Variants in TTC31 observed in about 807,000 individuals in gnomAD.
TTC31 encodes the protein tetratricopeptide repeat protein 31.
A neutral mutation model predicts 60.4 loss-of-function variants in TTC31; 59 were observed. The observed-to-expected ratio is 0.98, with a 90% CI of 0.79 to 1.21. The LOEUF (loss-of-function observed/expected upper bound fraction) is 1.21, where lower values mean the gene tolerates loss of function less well. TTC31 is among the 50% of genes most tolerant of loss of function. The pLI, the probability that TTC31 is intolerant of heterozygous loss-of-function variation, is 0.00. For missense variants in TTC31, 672 were observed against 646.9 expected (o/e 1.04, Z -0.42); for synonymous variants, 225 against 249.6 (o/e 0.90, Z 0.93).
rs753421338 is a variant in TTC31 at position 74,492,068 on chromosome 2, C to A, written c.928+13C>A. 1 of 1,614,070 alleles carries A rather than the reference C, an allele frequency of 6.2e-7. No individual in the cohort carries two copies. The highest frequency in any genetic ancestry group is 1.3e-5 in the African/African-American group (1 of 74,938). ...CAGGAACTGGCAAGTGAGATCCTTTCTCTCTCCGTCCTCACCCCACCCTCC... is the reference window on the plus strand; with the variant it reads ...CAGGAACTGGCAAGTGAGATCCTTTATCTCTCCGTCCTCACCCCACCCTCC... On this transcript the variant is annotated intron_variant, in intron 9 of 12. Coordinates refer to ENST00000233623, the MANE Select transcript of TTC31 (RefSeq NM_022492.6).
chr2:74,490,571 C>T (rs1323404676), intron 4 of TTC31, 85 bp from the exon 5 acceptor site: 2 of 1,540,130 alleles, frequency 1.3e-6, no homozygotes, highest in African/African-American at 2.7e-5. Context: ...CTTTCAAGAT[C>T]CTTCTATACT....
chr2:74,483,359 T>A lies in TTC31; in HGVS notation c.78T>A (p.Ala26=), dbSNP rs754437644. ...GGCCCAGCTGCCCACTGGAGGTCGC[T>A]GCTGCACCCAAACTTTGCAAGGAAT... ...SLRPSCPLEV[A]AAPKLCKEFG... The change falls in exon 2 of 13, where the codon GCT becomes GCA. Residue 26 remains alanine (A), a synonymous_variant. Transcript: ENST00000233623. 1.2e-6 allele frequency: 2 copies of A among 1,614,204 alleles called. No homozygotes were observed. The highest frequency in any genetic ancestry group is 8.5e-7 in the Non-Finnish European group (1 of 1,180,032).
In TTC31 at chr2:74,492,667, G is replaced by A. The variant is rs777104781; in HGVS notation, c.1183G>A (p.Val395Met). ...AAAGCGCTTCAGAGAGGCAGCTGCT[G>A]TGTTTCAGGAAACTCTGAGAGGTGG... The part of the protein sequence containing the change: ...GLQRFREAAA[V>M]FQETLRGGSQ... Residue 395 changes from valine (V) to methionine (M), a missense_variant, in exon 12 of 13, where the codon GTG becomes ATG. Transcript: ENST00000233623. 1.9e-6 allele frequency: 3 copies of A among 1,614,194 alleles called. No individual in the cohort carries two copies. Among genetic ancestry groups the A allele is most frequent in the Non-Finnish European group, 2.5e-6 (3 of 1,180,020 alleles).
At chr2:74,488,625 G>A (rs1359223126) in intron 2 of TTC31, among the ~76,000 whole-genome samples, 1 of 152,194 alleles carries the variant, frequency 6.6e-6, no homozygotes, top group African/African-American at 2.4e-5. Context: ...GGCAGGTAGT[G>A]TCAGAGTGAA....
intron 2 of TTC31, among the ~76,000 whole-genome samples, chr2:74,488,365 G>C (rs2104184712): frequency 6.6e-6 from 1 of 152,254 alleles, no homozygotes; most frequent in South Asian, 2.1e-4. Flanking sequence ...GAGTTTCTAA[G>C]TTTGTGGCTT....
chr2:74,491,452 C>T lies in TTC31; in HGVS notation c.685-29C>T, dbSNP rs760807882. The T allele has an allele frequency of 4.3e-6, 7 of 1,611,882 alleles. No individual in the cohort carries two copies. The Admixed American group carries it at 8.4e-5, about 19-fold the overall frequency. On this transcript the variant is annotated intron_variant, in intron 7 of 12. Coordinates refer to ENST00000233623, the MANE Select transcript of TTC31 (RefSeq NM_022492.6). ...CTCCAGAATGTACTTCATCCCCACC[C>T]CCTCCCTAACTTTCCATTTTGTTCA...
intron 2 of TTC31, chr2:74,483,788 G>A: frequency 3.2e-6 from 1 of 316,014 alleles, no homozygotes; most frequent in Non-Finnish European, 5.8e-6. Context: ...ACCAGCCTGG[G>A]CAACATAGTG....
chr2:74,490,769 G>C, intron 5 of TTC31, 30 bp downstream of exon 5: 1 of 1,594,726 alleles, frequency 6.3e-7, no homozygotes, highest in Non-Finnish European at 8.6e-7. Flanking sequence ...AGGGTGCAGG[G>C]GAGCCAAAGG....
At chr2:74,485,093 C>T (rs1043133457) in intron 2 of TTC31, among the ~76,000 whole-genome samples, 4 of 147,162 alleles carry the variant, frequency 2.7e-5, no homozygotes, top group Non-Finnish European at 5.9e-5. Context: ...GTGGCGCCAT[C>T]TCTACTCACT....
chr2:74,491,715 G>GAACCTTATTCAGCT, intron 8 of TTC31, 43 bp downstream of exon 8: 1 of 1,600,870 alleles, frequency 6.2e-7, no homozygotes, highest in Admixed American at 1.7e-5. Context: ...ACCGTGGAAG[G>GAACCTTATTCAGCT]GGCACAAGGA....
At chr2:74,490,533 C>G in intron 4 of TTC31, 60 bp downstream of exon 4, 1 of 1,534,462 alleles carries the variant, frequency 6.5e-7, no homozygotes, top group Non-Finnish European at 8.8e-7. Flanking sequence ...CCTGTATCCC[C>G]ATCCCTATAT....
intron 12 of TTC31, 33 bp downstream of exon 12, chr2:74,492,780 C>A (rs763195698): frequency 1.2e-6 from 2 of 1,608,396 alleles, no homozygotes; most frequent in Non-Finnish European, 1.7e-6. Context: ...CATGCTGAGG[C>A]GGGTATCAGG....
chr2:74,492,263 G>A (rs1451474344), intron 10 of TTC31, 34 bp downstream of exon 10: 1 of 1,613,088 alleles, frequency 6.2e-7, no homozygotes, highest in African/African-American at 1.3e-5. Flanking sequence ...AGGGCAGAGT[G>A]TTGAGGACTC....
Position 74,483,404 on chromosome 2 carries a change from C to T in TTC31, c.123C>T (p.Gly41=), listed in dbSNP as rs771974104. 4 of 1,614,160 alleles carry T rather than the reference C, an allele frequency of 2.5e-6. No homozygotes were observed. The highest frequency in any genetic ancestry group is 1.6e-4 in the Middle Eastern group (1 of 6,062). ...AGGAATTCGGTCCAGAGGATTACGG[C>T]GAAGAGGTAAAAGCGACCCTCAGTT... is the stretch of plus-strand genomic sequence containing the variant. ...LCKEFGPEDY[G]EEDIVDFLRR... is the part of the protein sequence containing the mutation. Residue 41 remains glycine (G), a synonymous_variant, in exon 2 of 13, where the codon GGC becomes GGT. Transcript: ENST00000233623.
chr2:74,483,614 C>T (rs1189878966), intron 2 of TTC31: 2 of 1,433,638 alleles, frequency 1.4e-6, no homozygotes, highest in Non-Finnish European at 1.8e-6. Flanking sequence ...AACAGATGCT[C>T]GAAGTGGGTA....
At chr2:74,487,670 T>TATTA (rs920336983) in intron 2 of TTC31, among the ~76,000 whole-genome samples, 1 of 151,940 alleles carries the variant, frequency 6.6e-6, no homozygotes, top group Non-Finnish European at 1.5e-5. Flanking sequence ...ATTTATTTAT[T>TATTA]ATTAATTAAT....
At chr2:74,483,435 C>T (rs374507059) in intron 2 of TTC31, 25 bp downstream of exon 2, 2 of 1,614,158 alleles carry the variant, frequency 1.2e-6, no homozygotes, top group East Asian at 2.2e-5. Context: ...CAGTTTCCCC[C>T]AGTCCTGCTC....
At chr2:74,492,104 C>A in intron 9 of TTC31, 35 bp from the exon 10 acceptor site, 1 of 1,614,106 alleles carries the variant, frequency 6.2e-7, no homozygotes. Context: ...CTGGGGTAGC[C>A]CCATCTGAAC....
Position 74,492,000 on chromosome 2 carries a change from C to T in TTC31, c.877-4C>T, listed in dbSNP as rs1320546053. 3.1e-6 allele frequency: 5 copies of T among 1,614,226 alleles called. No individual in the cohort carries two copies. In the South Asian group the frequency reaches 5.5e-5, roughly 18 times the overall value. On this transcript the variant is annotated splice_region_variant and splice_polypyrimidine_tract_variant and intron_variant, in intron 8 of 12. Coordinates refer to ENST00000233623, the MANE Select transcript of TTC31 (RefSeq NM_022492.6). Reference sequence around the variant, plus strand: ...ACCTGCTTGACTTTGCACCCTATCCCCAGGCATCTCCGGGACTGCTGGCAG... The same window carrying T: ...ACCTGCTTGACTTTGCACCCTATCCTCAGGCATCTCCGGGACTGCTGGCAG...
Sources: allele counts gnomAD v4.1 joint callset (sites outside exome capture counted in the v4.1 genomes callset), GRCh38; gene constraint gnomAD v4.1.1; transcripts MANE v1.5; gene names NCBI Gene and HGNC (gene_info 2026-07-23, HGNC 2026-07-21).